The following TPST2 variants were observed in gnomAD, a reference collection of about 807,000 sequenced individuals.
TPST2 encodes the protein protein-tyrosine sulfotransferase 2.
A neutral mutation model predicts 27.8 loss-of-function variants in TPST2; 16 were observed. The observed-to-expected ratio is 0.58, with a 90% CI of 0.39 to 0.88. The LOEUF (loss-of-function observed/expected upper bound fraction) is 0.88. Ranked by LOEUF, TPST2 falls within the 40% of genes least tolerant of loss-of-function variation. TPST2 has a pLI of 0.00. For missense variants in TPST2, 464 were observed against 543.1 expected (o/e 0.85, Z 1.45); for synonymous variants, 229 against 231.7 (o/e 0.99, Z 0.10).
At chr22:26,551,311 A>C (rs188583256) in intron 1 of TPST2, among the ~76,000 whole-genome samples, 11 of 152,040 alleles carry the variant, frequency 7.2e-5, no homozygotes, top group South Asian at 2.1e-4. Flanking sequence ...AACAAACAAA[A>C]AAACATTAGT....
At chr22:26,536,105 C>T (rs1223001363) in intron 4 of TPST2, 183 bp downstream of exon 4, 1 of 892,804 alleles carries the variant, frequency 1.1e-6, no homozygotes, top group Non-Finnish European at 1.8e-6. Flanking sequence ...TTGAGCTTCC[C>T]TGCAGCCCAA....
chr22:26,542,830 G>A (rs1211748507), intron 2 of TPST2, among the ~76,000 whole-genome samples: 1 of 152,218 alleles, frequency 6.6e-6, no homozygotes, highest in Non-Finnish European at 1.5e-5. Context: ...AAGCCAGTGG[G>A]AAGACAGCAT....
intron 1 of TPST2, among the ~76,000 whole-genome samples, chr22:26,588,602 T>C (rs768274054): frequency 3.3e-5 from 5 of 152,184 alleles, no homozygotes; most frequent in Non-Finnish European, 7.3e-5. Context: ...AATCAGGTGA[T>C]ACAAAGATGT....
At chr22:26,550,324 G>A (rs947888355) in intron 1 of TPST2, among the ~76,000 whole-genome samples, 4 of 152,202 alleles carry the variant, frequency 2.6e-5, no homozygotes, top group Non-Finnish European at 5.9e-5. Context: ...GTGAGACAAT[G>A]ACACCAGTGA....
chr22:26,550,221 C>G lies in TPST2; in HGVS notation c.-160-5546G>C, dbSNP rs1479274281. ...CTGAGCAAGTACCATGTGCGGGGCC[C>G]TGCTCAAGATACTGGGATACATCAA... is the stretch of plus-strand genomic sequence containing the variant. On this transcript the variant is annotated intron_variant, in intron 1 of 6. Transcript: ENST00000338754. Among the ~76,000 whole-genome samples, 5 of 152,186 alleles carry G rather than the reference C, an allele frequency of 3.3e-5. No homozygotes were observed. The East Asian group carries it at 7.7e-4, about 24-fold the overall frequency.
At chr22:26,552,081 T>C (rs1286207278) in intron 1 of TPST2, among the ~76,000 whole-genome samples, 3 of 152,076 alleles carry the variant, frequency 2.0e-5, no homozygotes, top group Non-Finnish European at 4.4e-5. Flanking sequence ...TCTTAATACA[T>C]TGTCCAGGCT....
At chr22:26,547,426 T>A (rs1926185217) in intron 1 of TPST2, 2 of 152,252 alleles carry the variant, frequency 1.3e-5, no homozygotes, top group South Asian at 4.2e-4. Flanking sequence ...GAGGAATATA[T>A]TAAATACACA....
At chr22:26,550,609 G>C (rs1229778259) in intron 1 of TPST2, 1 of 985,418 alleles carries the variant, frequency 1.0e-6, no homozygotes, top group Non-Finnish European at 1.2e-6. Flanking sequence ...CCCTGGAGCA[G>C]GGCCCAGTGC....
At chr22:26,549,867 T>TAA (rs34355172) in intron 1 of TPST2, among the ~76,000 whole-genome samples, 225 of 97,116 alleles carry the variant, frequency 2.3e-3, no homozygotes, top group African/African-American at 5.8e-3. Flanking sequence ...CCCTCTCTAC[T>TAA]AAAAAAAAAA....
rs200254233 is a variant in TPST2 at position 26,536,496 on chromosome 22, G to C, written c.843-10C>G. ...CGTGGACCGCTCGATCCTGGGGAGA[G>C]AGGAGACGCTGGAGAGGGTAGGGCA... On this transcript the variant is annotated splice_polypyrimidine_tract_variant and intron_variant, in intron 3 of 6. Coordinates refer to ENST00000338754, the MANE Select transcript of TPST2 (RefSeq NM_003595.5). 81 of 1,511,670 alleles carry C rather than the reference G, an allele frequency of 5.4e-5. No homozygotes were observed. In the East Asian group the frequency reaches 1.8e-3, roughly 34 times the overall value. 93.6% of individuals were successfully genotyped at this position (1,511,670 alleles called of 1,614,324 possible). A position where few individuals can be genotyped will look rare whatever the true frequency, so the allele number is the denominator to read the frequency against.
At chr22:26,561,442 CA>C (rs1422872249) in intron 1 of TPST2, among the ~76,000 whole-genome samples, 1 of 152,110 alleles carries the variant, frequency 6.6e-6, no homozygotes, top group Non-Finnish European at 1.5e-5. Flanking sequence ...GTGCACAGCA[CA>C]AATTAGTTAT....
intron 6 of TPST2, among the ~76,000 whole-genome samples, chr22:26,527,705 C>T (rs1924916624): frequency 1.3e-5 from 2 of 152,230 alleles, no homozygotes; most frequent in South Asian, 4.1e-4. Context: ...ATGGAATGAT[C>T]ATGTCATCCG....
At chr22:26,536,740 T>C (rs1396676907) in intron 3 of TPST2, among the ~76,000 whole-genome samples, 2 of 152,178 alleles carry the variant, frequency 1.3e-5, no homozygotes, top group Admixed American at 6.5e-5. Flanking sequence ...ACATACATTC[T>C]GCTTTCTTCT....
intron 2 of TPST2, among the ~76,000 whole-genome samples, chr22:26,542,658 C>G (rs1034902910): frequency 2.0e-5 from 3 of 152,112 alleles, no homozygotes; most frequent in Non-Finnish European, 4.4e-5. Flanking sequence ...CAGGAGGTAG[C>G]CTTCATGCAG....
intron 1 of TPST2, among the ~76,000 whole-genome samples, chr22:26,582,031 C>T (rs190576640): frequency 6.6e-6 from 1 of 152,314 alleles, no homozygotes; most frequent in East Asian, 1.9e-4. Flanking sequence ...CTGATCCAGA[C>T]CCTCACTATT....
chr22:26,561,155 T>A, intron 1 of TPST2: 1 of 1,592,276 alleles, frequency 6.3e-7, no homozygotes, highest in Non-Finnish European at 8.5e-7. Context: ...AAGAAGATGA[T>A]GAATAAGTTG....
rs1353451025 is a variant in TPST2 at position 26,525,515 on chromosome 22, C to A, written c.*760G>T. 4 of 152,194 alleles carry A rather than the reference C, an allele frequency of 2.6e-5. No individual in the cohort carries two copies. Among genetic ancestry groups the A allele is most frequent in the Admixed American group, 2.0e-4 (3 of 15,270 alleles). The allele number at this position is 152,194 out of a possible 1,614,324, so 9.4% of individuals were successfully genotyped here. On this transcript the variant is annotated 3_prime_UTR_variant, in exon 7 of 7. Transcript: ENST00000338754. ...AGGCGTGAGCCACTCCACCCGGCCT[C>A]TTTTGCTGATTTTAATGTTTATCCT...
chr22:26,545,530 T>A (rs1318495583), intron 1 of TPST2, among the ~76,000 whole-genome samples: 3 of 152,090 alleles, frequency 2.0e-5, no homozygotes, highest in Admixed American at 6.5e-5. Flanking sequence ...AGATTTTTAG[T>A]CCAATTCAAA....
At chr22:26,540,675 T>G in intron 3 of TPST2, 114 bp downstream of exon 3, 1 of 931,840 alleles carries the variant, frequency 1.1e-6, no homozygotes, top group Non-Finnish European at 1.6e-6. Flanking sequence ...CTCAGAGAGA[T>G]ATAGTGACTT....
Sources: allele counts gnomAD v4.1 joint callset (sites outside exome capture counted in the v4.1 genomes callset), GRCh38; gene constraint gnomAD v4.1.1; transcripts MANE v1.5; gene names NCBI Gene and HGNC (gene_info 2026-07-23, HGNC 2026-07-21).